ANKFN1: variants seen among roughly 807,000 people sequenced by gnomAD.
ANKFN1 encodes the protein ankyrin repeat and fibronectin type-III domain-containing protein 1.
Under a neutral mutation model 108.7 loss-of-function variants are expected in ANKFN1, and 74 were observed. The ratio of observed to expected loss-of-function variants is 0.68; its 90% CI spans 0.56 to 0.83. The LOEUF (loss-of-function observed/expected upper bound fraction) is 0.83, where lower values mean the gene tolerates loss of function less well. Among genes scored for constraint, ANKFN1 ranks in the 40% least tolerant of loss-of-function variants. The probability of loss-of-function intolerance (pLI) is 0.00; values close to 1 mark genes in which losing one functional copy is unlikely to be tolerated. For missense variants in ANKFN1, 1,505 were observed against 1,382.3 expected (o/e 1.09, Z -1.41); for synonymous variants, 547 against 516.2 (o/e 1.06, Z -0.81).
At chr17:56,268,389 A>G (rs1329278385) in intron 3 of ANKFN1, among the ~76,000 whole-genome samples, 2 of 152,234 alleles carry the variant, frequency 1.3e-5, no homozygotes, top group Non-Finnish European at 2.9e-5. Flanking sequence ...TAATGATAAC[A>G]AAGACACAAC....
At chr17:56,197,067 G>A (rs1188268711) in intron 1 of ANKFN1, among the ~76,000 whole-genome samples, 1 of 152,160 alleles carries the variant, frequency 6.6e-6, no homozygotes, top group African/African-American at 2.4e-5. Context: ...TTGTCTCCCA[G>A]GAAAACCATT....
At chr17:56,170,675 A>G (rs1184964352) in intron 1 of ANKFN1, among the ~76,000 whole-genome samples, 1 of 149,740 alleles carries the variant, frequency 6.7e-6, no homozygotes. Flanking sequence ...AGGCAGGAGA[A>G]TCTCTTGAAC....
At chr17:56,141,545 T>C (rs956213122) in intron 4 of ANKFN1, among the ~76,000 whole-genome samples, 2 of 152,132 alleles carry the variant, frequency 1.3e-5, no homozygotes, top group Non-Finnish European at 2.9e-5. Context: ...AAGCCACACA[T>C]AAATAATGAG....
rs556436371 is a variant in ANKFN1 at position 56,184,051 on chromosome 17, T to A, written c.-70-28547T>A. 3.3e-5 allele frequency among the ~76,000 whole-genome samples: 5 copies of A among 152,318 alleles called. No individual in the cohort carries two copies. The East Asian group carries it at 5.8e-4, about 18-fold the overall frequency. On this transcript the variant is annotated intron_variant, in intron 1 of 20. Transcript: ENST00000682825. ...GCTGTGAACGTTGTTGAAGTGACAA[T>A]AAAGGATTTAGAAAATTACAAAAAC...
At chr17:56,395,340 G>A (rs761798779) in intron 8 of ANKFN1, among the ~76,000 whole-genome samples, 17 of 152,142 alleles carry the variant, frequency 1.1e-4, no homozygotes, top group African/African-American at 4.1e-4. Flanking sequence ...ATCAGACGCT[G>A]TTGTGTGAAA....
In ANKFN1 at chr17:56,466,524, A is replaced by G; in HGVS notation, c.1726A>G (p.Thr576Ala). The G allele has an allele frequency of 6.2e-7, 1 of 1,613,944 alleles. No homozygotes were observed. The part of the protein sequence containing the change: ...KLQSQRKSLS[T>A]PEEPTALDIL... The stretch of plus-strand genomic sequence containing the variant: ...GCAAAGCCAGAGAAAGTCTCTATCA[A>G]CACCTGAGGAGCCAACAGCTTTAGA... The change falls in exon 15 of 21, where the codon ACA (threonine) becomes GCA (alanine). Residue 576 changes from threonine (T) to alanine (A), a missense_variant. Coordinates refer to ENST00000682825, the MANE Select transcript of ANKFN1 (RefSeq NM_001370326.1).
intron 8 of ANKFN1, among the ~76,000 whole-genome samples, chr17:56,396,498 A>T (rs892964387): frequency 1.3e-5 from 2 of 152,124 alleles, no homozygotes; most frequent in African/African-American, 2.4e-5. Flanking sequence ...AATCATTCTT[A>T]CTTTTACATC....
rs1324039626 is a variant in ANKFN1 at position 56,350,921 on chromosome 17, A to G, written c.344A>G (p.Tyr115Cys). 3.1e-6 allele frequency: 5 copies of G among 1,613,628 alleles called. No homozygotes were observed. The highest frequency in any genetic ancestry group is 1.3e-5 in the African/African-American group (1 of 74,894). The change falls in exon 5 of 21, where the codon TAT (tyrosine) becomes TGT (cysteine). Residue 115 changes from tyrosine (Y) to cysteine (C), a missense_variant. Transcript: ENST00000682825. ...AGCCACTCTTCCTTCGATGAGGCCT[A>G]TTTTAGGACAAGAACTGATCGGCTG... ...KGSHSSFDEA[Y>C]FRTRTDRLSL...
intron 4 of ANKFN1, among the ~76,000 whole-genome samples, chr17:56,096,767 T>A (rs1282737529): frequency 2.6e-5 from 4 of 152,198 alleles, no homozygotes; most frequent in African/African-American, 4.8e-5. Context: ...ATTGGGTGTA[T>A]ACCCAAAGGA....
rs1259174327 is a variant in ANKFN1 at position 56,372,082 on chromosome 17, A to G, written c.602-564A>G. On this transcript the variant is annotated intron_variant, in intron 6 of 20. Transcript: ENST00000682825. ...AGTAGCGGAACTCTTTGTAAGCAAT[A>G]AATACATTGATTAACAATAATAAAA... is the stretch of plus-strand genomic sequence containing the variant. Among the ~76,000 whole-genome samples, 6 of 152,226 alleles carry G rather than the reference A, an allele frequency of 3.9e-5. 1 individual carries two copies. Among genetic ancestry groups the G allele is most frequent in the Non-Finnish European group, 7.3e-5 (5 of 68,046 alleles).
intron 8 of ANKFN1, among the ~76,000 whole-genome samples, chr17:56,396,929 A>T (rs1715323235): frequency 6.6e-6 from 1 of 151,974 alleles, no homozygotes; most frequent in African/African-American, 2.4e-5. Flanking sequence ...CCCCATCTTG[A>T]TTTTTCTAGT....
intron 1 of ANKFN1, among the ~76,000 whole-genome samples, chr17:56,167,607 C>T (rs1910270538): frequency 6.6e-6 from 1 of 151,998 alleles, no homozygotes; most frequent in Admixed American, 6.6e-5. Context: ...TTCAAATGTA[C>T]TACACTATAG....
At chr17:56,098,157 A>G (rs984997290) in intron 4 of ANKFN1, among the ~76,000 whole-genome samples, 10 of 152,134 alleles carry the variant, frequency 6.6e-5, no homozygotes, top group Non-Finnish European at 1.5e-4. Flanking sequence ...CAGCTGCCAG[A>G]AGCTGGAAAA....
In ANKFN1 at chr17:56,353,796, G is replaced by A. The variant is rs144270571; in HGVS notation, c.391-40G>A. 6.3e-5 allele frequency: 100 copies of A among 1,589,844 alleles called. 1 individual carries two copies. In the East Asian group the frequency reaches 7.6e-4, roughly 12 times the overall value. The stretch of plus-strand genomic sequence containing the variant: ...AGAGCTAAGCTACAAAGACACACTG[G>A]TTTAAGAAATTGTGCTGATCTACTT... On this transcript the variant is annotated intron_variant, in intron 5 of 20. Coordinates refer to ENST00000682825, the MANE Select transcript of ANKFN1 (RefSeq NM_001370326.1).
intron 3 of ANKFN1, among the ~76,000 whole-genome samples, chr17:56,260,279 G>T (rs2043474018): frequency 6.6e-6 from 1 of 152,210 alleles, no homozygotes; most frequent in Admixed American, 6.5e-5. Flanking sequence ...AAATGAATCA[G>T]AGGCATATGG....
intron 3 of ANKFN1, among the ~76,000 whole-genome samples, chr17:56,274,712 G>C (rs184546875): frequency 4.6e-5 from 7 of 152,170 alleles, no homozygotes; most frequent in African/African-American, 9.6e-5. Context: ...GTCCCTTTGG[G>C]GCTGGCAATT....
chr17:56,162,045 G>T (rs1357230982), intron 1 of ANKFN1, among the ~76,000 whole-genome samples: 2 of 152,126 alleles, frequency 1.3e-5, no homozygotes, highest in Non-Finnish European at 1.5e-5. Flanking sequence ...TCCCAGAAAA[G>T]AGTCTGATTG....
At chr17:56,430,226 T>A (rs1196160397) in intron 8 of ANKFN1, among the ~76,000 whole-genome samples, 1 of 152,134 alleles carries the variant, frequency 6.6e-6, no homozygotes, top group Non-Finnish European at 1.5e-5. Context: ...GTGATACAGA[T>A]GAACCTGGAG....
intron 19 of ANKFN1, among the ~76,000 whole-genome samples, chr17:56,497,650 A>C (rs951914374): frequency 5.3e-5 from 8 of 152,162 alleles, no homozygotes; most frequent in African/African-American, 1.9e-4. Context: ...AATCAGAGAG[A>C]GAGATTAACC....
Sources: gnomAD v4.1 joint callset for allele counts (sites outside exome capture counted in the v4.1 genomes callset) on GRCh38, gnomAD v4.1.1 for gene constraint, MANE v1.5 for transcripts, NCBI Gene and HGNC (gene_info 2026-07-23, HGNC 2026-07-21) for gene names.